Variants in MAP4K5 observed in about 807,000 individuals in gnomAD.
MAP4K5 encodes mitogen-activated protein kinase kinase kinase kinase 5.
Under a neutral mutation model 135.6 loss-of-function variants are expected in MAP4K5, and 82 were observed. The observed-to-expected ratio is 0.60, with a 90% CI of 0.51 to 0.73. MAP4K5 has a LOEUF of 0.73. MAP4K5 is among the 30% of genes least tolerant of loss of function. The probability of loss-of-function intolerance (pLI) is 0.00; values close to 1 mark genes in which losing one functional copy is unlikely to be tolerated. For synonymous variants in MAP4K5, 347 were observed against 335.0 expected, an observed-to-expected ratio of 1.04 and a Z score of -0.39; for missense variants, 907 against 1,010.9, an observed-to-expected ratio of 0.90 and a Z score of 1.39.
chr14:50,472,908 T>G (rs1475045380), intron 9 of MAP4K5, among the ~76,000 whole-genome samples: 1 of 152,188 alleles, frequency 6.6e-6, no homozygotes, highest in Non-Finnish European at 1.5e-5. Context: ...GCTCAAAACA[T>G]GCACATGAAT....
chr14:50,499,141 A>G (rs1183059125), intron 3 of MAP4K5, among the ~76,000 whole-genome samples: 2 of 152,096 alleles, frequency 1.3e-5, no homozygotes, highest in African/African-American at 4.8e-5. Flanking sequence ...AAAAAAAAAG[A>G]CAAATACAGG....
intron 1 of MAP4K5, among the ~76,000 whole-genome samples, chr14:50,551,009 GA>G (rs996764781): frequency 1.3e-5 from 2 of 149,010 alleles, no homozygotes; most frequent in Non-Finnish European, 3.0e-5. Flanking sequence ...AAACCCAGCA[GA>G]AAAAAAAATT....
At chr14:50,430,171 C>A (rs1256793738) in intron 28 of MAP4K5, among the ~76,000 whole-genome samples, 2 of 152,080 alleles carry the variant, frequency 1.3e-5, no homozygotes, top group Non-Finnish European at 2.9e-5. Flanking sequence ...AAGACAAATA[C>A]AGAAGAGTCC....
chr14:50,456,849 T>C (rs180996316), intron 13 of MAP4K5: 197 of 351,702 alleles, frequency 5.6e-4, no homozygotes, highest in African/African-American at 3.9e-3. Context: ...TCTAGGAAGA[T>C]AAGACACACA....
At chr14:50,433,728 G>T (rs931687940) in intron 28 of MAP4K5, among the ~76,000 whole-genome samples, 1 of 152,182 alleles carries the variant, frequency 6.6e-6, no homozygotes, top group Non-Finnish European at 1.5e-5. Flanking sequence ...ACTAAAGCTT[G>T]CTTGGCATAT....
intron 2 of MAP4K5, among the ~76,000 whole-genome samples, chr14:50,509,393 C>T (rs1411596661): frequency 6.6e-6 from 1 of 152,072 alleles, no homozygotes. Context: ...TTTAACAGAT[C>T]AGCAACAGTG....
At chr14:50,452,866 T>C (rs1178371245) in intron 14 of MAP4K5, among the ~76,000 whole-genome samples, 1 of 152,170 alleles carries the variant, frequency 6.6e-6, no homozygotes, top group Non-Finnish European at 1.5e-5. Flanking sequence ...ACCAAACTGA[T>C]AACTACATGA....
chr14:50,459,097 G>C, intron 13 of MAP4K5, among the ~76,000 whole-genome samples: 1 of 152,154 alleles, frequency 6.6e-6, no homozygotes, highest in East Asian at 1.9e-4. Flanking sequence ...ACAGGCATTA[G>C]CCATCATACC....
intron 2 of MAP4K5, among the ~76,000 whole-genome samples, chr14:50,514,764 A>G (rs967485568): frequency 6.6e-5 from 10 of 152,218 alleles, no homozygotes; most frequent in Admixed American, 5.2e-4. Flanking sequence ...AGTCTAAAAG[A>G]GCAAAACTAC....
chr14:50,532,329 C>A, intron 1 of MAP4K5, 119 bp downstream of exon 1: 3 of 350,510 alleles, frequency 8.6e-6, no homozygotes, highest in Non-Finnish European at 5.2e-6. Flanking sequence ...CGGCCCTTCC[C>A]CCTCCCCGGC....
At chr14:50,427,154 A>G (rs2035865188) in intron 30 of MAP4K5, among the ~76,000 whole-genome samples, 1 of 152,190 alleles carries the variant, frequency 6.6e-6, no homozygotes, top group South Asian at 2.1e-4. Flanking sequence ...AAAAGATGGT[A>G]GCCTAGGAGG....
intron 3 of MAP4K5, among the ~76,000 whole-genome samples, chr14:50,502,110 T>C (rs887350743): frequency 6.6e-6 from 1 of 152,204 alleles, no homozygotes; most frequent in Non-Finnish European, 1.5e-5. Flanking sequence ...AACTCATTTA[T>C]GCCTACTGTT....
intron 2 of MAP4K5, among the ~76,000 whole-genome samples, chr14:50,523,167 C>T (rs919195863): frequency 3.3e-5 from 5 of 152,144 alleles, no homozygotes; most frequent in South Asian, 2.1e-4. Flanking sequence ...CAAAATTAGC[C>T]GGGCGTGGTG....
intron 8 of MAP4K5, 25 bp downstream of exon 8, chr14:50,476,103 A>G: frequency 2.9e-6 from 4 of 1,378,390 alleles, no homozygotes; most frequent in Non-Finnish European, 3.9e-6. Context: ...TTTGGAAAAA[A>G]TTTTAGGAAT....
chr14:50,530,011 T>C (rs2038351916), intron 2 of MAP4K5, among the ~76,000 whole-genome samples: 1 of 152,080 alleles, frequency 6.6e-6, no homozygotes, highest in Non-Finnish European at 1.5e-5. Flanking sequence ...TCCAAGTAAT[T>C]AGAACAAAGG....
At chr14:50,551,931 A>C (rs974531819) in intron 1 of MAP4K5, among the ~76,000 whole-genome samples, 1 of 152,202 alleles carries the variant, frequency 6.6e-6, no homozygotes, top group African/African-American at 2.4e-5. Flanking sequence ...ATTTGAAAGC[A>C]TTCCCCCAGA....
chr14:50,531,969 G>A lies in MAP4K5; in HGVS notation c.81C>T (p.Gly27=). 1 of 1,604,196 alleles carries A rather than the reference G, an allele frequency of 6.2e-7. No individual in the cohort carries two copies. The highest frequency in any genetic ancestry group is 8.5e-7 in the Non-Finnish European group (1 of 1,175,632). Residue 27 remains glycine, a synonymous_variant, in exon 2 of 33, where the codon GGC becomes GGT. Transcript: ENST00000682126. ...QQDYELVQRV[G]SGTYGDVYKA... ...TATAGACGTCCCCGTAGGTGCCGCT[G>A]CCGACCCTCTGGACGAGTTCGTAGT...
chr14:50,446,898 T>C (rs183577153), intron 16 of MAP4K5, among the ~76,000 whole-genome samples: 8 of 152,338 alleles, frequency 5.3e-5, no homozygotes, highest in Non-Finnish European at 1.2e-4. Context: ...TGTAATAAAA[T>C]ATAATTATTC....
intron 6 of MAP4K5, 105 bp downstream of exon 6, chr14:50,482,256 A>G (rs2139909908): frequency 1.7e-6 from 1 of 602,470 alleles, no homozygotes; most frequent in East Asian, 3.4e-5. Flanking sequence ...TTTAAGGTAG[A>G]CTATCATTTT....
Sources: allele counts gnomAD v4.1 joint callset (sites outside exome capture counted in the v4.1 genomes callset), GRCh38; gene constraint gnomAD v4.1.1; transcripts MANE v1.5; gene names NCBI Gene and HGNC (gene_info 2026-07-23, HGNC 2026-07-21).